BRCA1: variants seen among roughly 807,000 people sequenced by gnomAD.
BRCA1 encodes BRCA1 DNA repair associated, also known as breast cancer type 1 susceptibility protein.
Under a neutral mutation model 173.7 loss-of-function variants are expected in BRCA1, and 140 were observed. The observed-to-expected ratio is 0.81, with a 90% confidence interval of 0.70 to 0.93. The LOEUF is 0.93. Ranked by LOEUF, BRCA1 falls within the 40% of genes least tolerant of loss-of-function variation. The probability of loss-of-function intolerance (pLI) is 0.00; values close to 1 mark genes in which losing one functional copy is unlikely to be tolerated. For synonymous variants in BRCA1, 662 were observed against 756.0 expected (o/e 0.88, Z 2.04); for missense variants, 1,983 against 2,172.5 (o/e 0.91, Z 1.73).
chr17:43,100,558 G>A lies in BRCA1; in HGVS notation c.442-678C>T, dbSNP rs10445316. Among the ~76,000 whole-genome samples the A allele has an allele frequency of 0.38, 13,361 of 35,088 alleles. 2,243 individuals carry two copies. The highest frequency in any genetic ancestry group is 0.52 in the South Asian group (770 of 1,480). The allele number at this position is 35,088 out of a possible 152,430, so 23.0% of individuals were successfully genotyped here. ...TATACATATATATGTGTGTGTGTGT[G>A]TATATATATATATAACATATATATA... On this transcript the variant is annotated intron_variant, in intron 6 of 22. Coordinates refer to ENST00000357654, the MANE Select transcript of BRCA1 (RefSeq NM_007294.4).
chr17:43,081,826 T>C (rs1304605882), intron 12 of BRCA1, among the ~76,000 whole-genome samples: 3 of 152,110 alleles, frequency 2.0e-5, no homozygotes, highest in Admixed American at 6.6e-5. Context: ...TCCATCTGGA[T>C]TTTTTTTGAT....
chr17:43,112,321 C>T (rs1268351040), intron 3 of BRCA1, among the ~76,000 whole-genome samples: 5 of 152,088 alleles, frequency 3.3e-5, no homozygotes, highest in African/African-American at 9.7e-5. Flanking sequence ...CTCCTGACCT[C>T]GTGATCCGCC....
intron 4 of BRCA1, among the ~76,000 whole-genome samples, chr17:43,105,499 C>G (rs921788575): frequency 5.3e-5 from 8 of 152,108 alleles, no homozygotes; most frequent in African/African-American, 1.9e-4. Flanking sequence ...CCTCAGCCTC[C>G]TAGAGTGCTA....
At chr17:43,113,157 C>T (rs944071561) in intron 3 of BRCA1, among the ~76,000 whole-genome samples, 1 of 151,968 alleles carries the variant, frequency 6.6e-6, no homozygotes, top group Non-Finnish European at 1.5e-5. Context: ...TCAGCATCTT[C>T]CTGTAGAATT....
intron 1 of BRCA1, chr17:43,145,329 CTTT>C (rs1555603978): frequency 6.6e-4 from 273 of 412,560 alleles, no homozygotes; most frequent in Non-Finnish European, 8.1e-4. Flanking sequence ...TTTTTTCTTT[CTTT>C]TTTTTTTTTT....
intron 18 of BRCA1, among the ~76,000 whole-genome samples, chr17:43,059,469 CACAACAACAACAACA>C (rs746155740): frequency 2.0e-4 from 30 of 147,440 alleles, no homozygotes; most frequent in Admixed American, 5.4e-4. Context: ...GAGATGCTGT[CACAACAACAACAACA>C]ACAACAACAA....
chr17:43,110,934 C>T (rs908389135), intron 3 of BRCA1, among the ~76,000 whole-genome samples: 4 of 151,904 alleles, frequency 2.6e-5, no homozygotes, highest in Non-Finnish European at 5.9e-5. Context: ...AACCCTGTCT[C>T]TACTAAAAAT....
intron 2 of BRCA1, among the ~76,000 whole-genome samples, chr17:43,118,153 A>G (rs1301999093): frequency 6.6e-6 from 1 of 152,172 alleles, no homozygotes; most frequent in Non-Finnish European, 1.5e-5. Context: ...AAAGAAACAC[A>G]CTATGCAACA....
chr17:43,045,903 A>G (rs2152637810), intron 22 of BRCA1, 101 bp from the exon 23 acceptor site: 1 of 1,427,168 alleles, frequency 7.0e-7, no homozygotes, highest in Non-Finnish European at 9.7e-7. Context: ...AGTTCTTAGG[A>G]TTAATGAGGT....
chr17:43,071,264 T>G, intron 14 of BRCA1, 26 bp from the exon 15 acceptor site: 1 of 1,605,650 alleles, frequency 6.2e-7, no homozygotes, highest in Non-Finnish European at 8.5e-7. Context: ...GAAGTTTAAT[T>G]TACACAACGA....
chr17:43,078,661 C>G (rs572266836), intron 12 of BRCA1, among the ~76,000 whole-genome samples: 1 of 152,072 alleles, frequency 6.6e-6, no homozygotes, highest in Admixed American at 6.5e-5. Flanking sequence ...CACTGGGTAG[C>G]CTGGGGGGAA....
At chr17:43,146,257 TTTAA>T (rs1446961712) in intron 1 of BRCA1, among the ~76,000 whole-genome samples, 1 of 151,780 alleles carries the variant, frequency 6.6e-6, no homozygotes, top group Non-Finnish European at 1.5e-5. Flanking sequence ...TGGGATAACT[TTTAA>T]AAAGAATTAC....
At chr17:43,063,803 T>C (rs2051900143) in intron 17 of BRCA1, 71 bp downstream of exon 17, 1 of 1,291,376 alleles carries the variant, frequency 7.7e-7, no homozygotes, top group African/African-American at 1.5e-5. Context: ...ACCTTAGGTG[T>C]TAAACGTTAG....
In BRCA1 at chr17:43,092,538, A is replaced by T. The variant is rs1567793330; in HGVS notation, c.2993T>A (p.Leu998Gln). 2 of 1,614,064 alleles carry T rather than the reference A, an allele frequency of 1.2e-6. No homozygotes were observed. The highest frequency in any genetic ancestry group is 1.7e-6 in the Non-Finnish European group (2 of 1,179,988). Residue 998 changes from leucine (L) to glutamine (Q), a missense_variant, in exon 10 of 23, where the codon CTG (leucine) becomes CAG (glutamine). Transcript: ENST00000357654. The part of the protein sequence containing the change: ...SFVKTKCKKN[L>Q]LEENFEEHSM... ...ATGTTCCTCAAAGTTTTCCTCTAGC[A>T]GATTTTTCTTACATTTAGTTTTAAC...
intron 6 of BRCA1, among the ~76,000 whole-genome samples, chr17:43,100,686 T>TATATATATA (rs2054426872): frequency 5.7e-5 from 1 of 17,418 alleles, no homozygotes; most frequent in African/African-American, 1.1e-4. Context: ...ATAATATATA[T>TATATATATA]ATATATATAT....
At chr17:43,096,652 A>G (rs987235828) in intron 8 of BRCA1, among the ~76,000 whole-genome samples, 71 of 151,960 alleles carry the variant, frequency 4.7e-4, no homozygotes, top group African/African-American at 1.6e-3. Context: ...CTTGTAGTTT[A>G]TTATATAACA....
At chr17:43,082,697 A>T in intron 11 of BRCA1, 122 bp from the exon 12 acceptor site, 1 of 1,049,240 alleles carries the variant, frequency 9.5e-7, no homozygotes, top group Non-Finnish European at 1.4e-6. Flanking sequence ...ATGGAACTAC[A>T]AGTTCTAGCT....
intron 1 of BRCA1, among the ~76,000 whole-genome samples, chr17:43,165,509 T>C (rs1013224664): frequency 1.3e-5 from 2 of 151,566 alleles, no homozygotes; most frequent in African/African-American, 4.8e-5. Context: ...CAGTTTTACA[T>C]TCAGGAGGCC....
At position 43,094,630 on chromosome 17, in the gene BRCA1, T is replaced by C. The variant is rs756859863; in HGVS notation, c.901A>G (p.Lys301Glu). ...TTGCTTTTATTACAGAATTCAGCCT[T>C]TTCTACATTCATTCTGTCTTTAGTG... ...LLTKDRMNVE[K>E]AEFCNKSKQP... Residue 301 changes from lysine to glutamate, a missense_variant, in exon 10 of 23, where the codon AAG (lysine) becomes GAG (glutamate). Transcript: ENST00000357654. 1 of 1,614,212 alleles carries C rather than the reference T, an allele frequency of 6.2e-7. No individual in the cohort carries two copies. Among genetic ancestry groups the C allele is most frequent in the Non-Finnish European group, 8.5e-7 (1 of 1,180,038 alleles).
Sources: allele counts gnomAD v4.1 joint callset (sites outside exome capture counted in the v4.1 genomes callset), GRCh38; gene constraint gnomAD v4.1.1; transcripts MANE v1.5; gene names NCBI Gene and HGNC (gene_info 2026-07-23, HGNC 2026-07-21).